PSD3: variants seen among roughly 807,000 people sequenced by gnomAD.
PSD3 encodes PH and SEC7 domain-containing protein 3.
In PSD3, 49 loss-of-function variants were observed where a neutral mutation model predicts 105.5. That is an observed-to-expected ratio of 0.46 (90% CI 0.37 to 0.59). The LOEUF is 0.59. Among genes scored for constraint, PSD3 ranks in the 20% least tolerant of loss-of-function variants. The pLI, the probability that PSD3 is intolerant of heterozygous loss-of-function variation, is 0.00. For synonymous variants in PSD3, 557 were observed against 457.8 expected, an observed-to-expected ratio of 1.22 and a Z score of -2.77; for missense variants, 1,561 against 1,263.8, an observed-to-expected ratio of 1.24 and a Z score of -3.57.
chr8:18,802,729 G>C (rs1226505849), intron 6 of PSD3, among the ~76,000 whole-genome samples: 1 of 152,136 alleles, frequency 6.6e-6, no homozygotes, highest in Non-Finnish European at 1.5e-5. Context: ...GGTTACACTA[G>C]ATGATCTCAG....
At chr8:18,622,635 T>C (rs569087991) in intron 11 of PSD3, among the ~76,000 whole-genome samples, 4 of 152,344 alleles carry the variant, frequency 2.6e-5, no homozygotes, top group African/African-American at 9.6e-5. Context: ...AGTGTACAAT[T>C]TGATGTTTTT....
At chr8:18,869,733 C>T (rs1464419198) in intron 3 of PSD3, among the ~76,000 whole-genome samples, 1 of 152,190 alleles carries the variant, frequency 6.6e-6, no homozygotes, top group Non-Finnish European at 1.5e-5. Context: ...ACTAAACTGG[C>T]CTCTTCCCTC....
chr8:18,688,465 T>C (rs1487250716), intron 9 of PSD3, among the ~76,000 whole-genome samples: 1 of 152,208 alleles, frequency 6.6e-6, no homozygotes, highest in Non-Finnish European at 1.5e-5. Context: ...AAAGCCGCCT[T>C]ACTCTTGTTA....
intron 1 of PSD3, among the ~76,000 whole-genome samples, chr8:18,983,665 G>A (rs1252736451): frequency 1.3e-5 from 2 of 152,020 alleles, no homozygotes; most frequent in Non-Finnish European, 2.9e-5. Flanking sequence ...ATCTTACATG[G>A]ACACAGTTCT....
chr8:18,660,187 A>T (rs1809243155), intron 9 of PSD3, among the ~76,000 whole-genome samples: 1 of 152,188 alleles, frequency 6.6e-6, no homozygotes, highest in Admixed American at 6.5e-5. Context: ...TCTTTATAGA[A>T]GGCAGACGGA....
chr8:18,958,569 C>T (rs887711428), intron 1 of PSD3, among the ~76,000 whole-genome samples: 2 of 152,104 alleles, frequency 1.3e-5, no homozygotes, highest in African/African-American at 4.8e-5. Flanking sequence ...AAGATATTAG[C>T]AAAGTTAATT....
chr8:18,629,707 A>T (rs1427841630), intron 11 of PSD3, among the ~76,000 whole-genome samples: 2 of 152,142 alleles, frequency 1.3e-5, no homozygotes, highest in Admixed American at 6.6e-5. Context: ...GGATGGGAGT[A>T]ATACGAGAAG....
intron 9 of PSD3, chr8:18,734,188 T>G (rs1803980036): frequency 6.6e-6 from 1 of 152,212 alleles, no homozygotes; most frequent in Non-Finnish European, 1.5e-5. Flanking sequence ...AAACCAGACT[T>G]GAATTCTGCC....
At chr8:18,809,578 A>C (rs1251882229) in intron 4 of PSD3, among the ~76,000 whole-genome samples, 1 of 152,248 alleles carries the variant, frequency 6.6e-6, no homozygotes, top group African/African-American at 2.4e-5. Context: ...ACATACTTAT[A>C]CAAAAATATT....
chr8:18,872,871 C>G (rs1201553968), intron 2 of PSD3, 138 bp from the exon 3 acceptor site: 1 of 798,746 alleles, frequency 1.3e-6, no homozygotes, highest in Non-Finnish European at 1.9e-6. Context: ...CCTCCCACCA[C>G]CCTGTAACAC....
chr8:18,941,298 C>T (rs1563445708), intron 1 of PSD3, among the ~76,000 whole-genome samples: 1 of 152,192 alleles, frequency 6.6e-6, no homozygotes. Flanking sequence ...CACACAAATG[C>T]TTCAAGTTTG....
At position 18,914,726 on chromosome 8, in the gene PSD3, G is replaced by A. The variant is rs115653559; in HGVS notation, c.130+21308C>T. Among the ~76,000 whole-genome samples, 898 of 152,176 alleles carry A rather than the reference G, an allele frequency of 5.9e-3. 7 individuals are homozygous for A. Among genetic ancestry groups the A allele is most frequent in the African/African-American group, 0.021 (866 of 41,538 alleles). On this transcript the variant is annotated intron_variant, in intron 2 of 15. Transcript: ENST00000327040. ...AAAAGTTGAAGTGACAAAAATAAAT[G>A]GAAAGATATCCCATGTTCAAGGATT...
chr8:18,576,043 AC>A (rs1802444519), intron 12 of PSD3, among the ~76,000 whole-genome samples: 1 of 151,976 alleles, frequency 6.6e-6, no homozygotes, highest in Non-Finnish European at 1.5e-5. Context: ...ACACCACATC[AC>A]CTTCTAATTA....
intron 12 of PSD3, among the ~76,000 whole-genome samples, chr8:18,575,824 C>A (rs1228004134): frequency 1.3e-5 from 2 of 152,078 alleles, no homozygotes; most frequent in African/African-American, 4.8e-5. Context: ...AATAATTACT[C>A]CAGCTCTTCT....
intron 1 of PSD3, among the ~76,000 whole-genome samples, chr8:18,943,082 G>A (rs1415524588): frequency 2.0e-5 from 3 of 152,156 alleles, no homozygotes; most frequent in Non-Finnish European, 2.9e-5. Context: ...TTTCCCAGCT[G>A]TGTACATGAG....
At chr8:18,633,933 T>G (rs967866361) in intron 10 of PSD3, among the ~76,000 whole-genome samples, 2 of 152,104 alleles carry the variant, frequency 1.3e-5, no homozygotes, top group African/African-American at 4.8e-5. Context: ...TCTGTTAATT[T>G]TTTTGCCTTT....
intron 9 of PSD3, among the ~76,000 whole-genome samples, chr8:18,748,414 AC>A (rs1805197626): frequency 6.6e-6 from 1 of 152,142 alleles, no homozygotes; most frequent in African/African-American, 2.4e-5. Context: ...TAATCCCAGC[AC>A]TTTGAGAGGC....
At chr8:18,971,615 T>G (rs971272317) in intron 1 of PSD3, among the ~76,000 whole-genome samples, 2 of 151,946 alleles carry the variant, frequency 1.3e-5, no homozygotes, top group Non-Finnish European at 2.9e-5. Flanking sequence ...TGCCTTTGAG[T>G]CCCTCAAAAA....
At chr8:18,657,292 C>T (rs1808972869) in intron 9 of PSD3, among the ~76,000 whole-genome samples, 2 of 152,282 alleles carry the variant, frequency 1.3e-5, no homozygotes, top group Admixed American at 1.3e-4. Flanking sequence ...CAAAATACTT[C>T]CAAATTCAGT....
Sources: allele counts gnomAD v4.1 joint callset (sites outside exome capture counted in the v4.1 genomes callset), GRCh38; gene constraint gnomAD v4.1.1; transcripts MANE v1.5; gene names NCBI Gene and HGNC (gene_info 2026-07-23, HGNC 2026-07-21).